SEC14L5: variants seen among roughly 807,000 people sequenced by gnomAD.
The protein encoded by SEC14L5 is SEC14 like lipid binding 5.
A neutral mutation model predicts 84.6 loss-of-function variants in SEC14L5; 96 were observed. The observed-to-expected ratio is 1.13, with a 90% CI of 0.96 to 1.34. The LOEUF is 1.34. Ranked by LOEUF, SEC14L5 falls within the 40% of genes most tolerant of loss-of-function variation. The probability of loss-of-function intolerance (pLI) is 0.00; values close to 1 mark genes in which losing one functional copy is unlikely to be tolerated. For missense variants in SEC14L5, 1,224 were observed against 942.5 expected, an observed-to-expected ratio of 1.30 and a Z score of -3.91; for synonymous variants, 546 against 383.4, an observed-to-expected ratio of 1.42 and a Z score of -4.95.
intron 10 of SEC14L5, among the ~76,000 whole-genome samples, chr16:5,001,550 C>A (rs1014010328): frequency 2.0e-5 from 3 of 152,110 alleles, no homozygotes; most frequent in African/African-American, 7.2e-5. Flanking sequence ...TGAGCCACCA[C>A]TCACAGCCTG....
Position 4,975,160 on chromosome 16 carries a change from T to A in SEC14L5, c.64-12397T>A, listed in dbSNP as rs186133734. 2.4e-3 allele frequency among the ~76,000 whole-genome samples: 361 copies of A among 152,248 alleles called. 1 individual carries two copies. The highest frequency in any genetic ancestry group is 8.1e-3 in the African/African-American group (337 of 41,562). On this transcript the variant is annotated intron_variant, in intron 2 of 15. Transcript: ENST00000251170. ...CATTCCTGAGTTACTTCATTTAGAA[T>A]AATGACCTCCAGCTCCATCCAAGTT...
At chr16:4,997,252 C>A (rs1477120982) in intron 8 of SEC14L5, among the ~76,000 whole-genome samples, 1 of 152,228 alleles carries the variant, frequency 6.6e-6, no homozygotes, top group East Asian at 1.9e-4. Flanking sequence ...GCACCCGCCA[C>A]CACAGCTGGC....
In SEC14L5 at chr16:4,959,316, G is replaced by A. The variant is rs1421062333; in HGVS notation, c.-8G>A. Reference sequence around the variant, plus strand: ...CCTGGTGACCTCCATTGGTGCTCCAGCGTGAACATGGTGCAAAGATACCAG... The same window carrying A: ...CCTGGTGACCTCCATTGGTGCTCCAACGTGAACATGGTGCAAAGATACCAG... On this transcript the variant is annotated 5_prime_UTR_variant, in exon 2 of 16. Transcript: ENST00000251170. 1 of 1,612,648 alleles carries A rather than the reference G, an allele frequency of 6.2e-7. No homozygotes were observed. The highest frequency in any genetic ancestry group is 8.5e-7 in the Non-Finnish European group (1 of 1,178,806).
intron 8 of SEC14L5, 70 bp downstream of exon 8, chr16:4,997,114 T>G: frequency 8.7e-7 from 1 of 1,143,636 alleles, no homozygotes; most frequent in East Asian, 2.8e-5. Flanking sequence ...TATTTATTAT[T>G]TTGAGATGGG....
chr16:4,997,520 G>T (rs1955625444), intron 8 of SEC14L5, among the ~76,000 whole-genome samples: 1 of 152,196 alleles, frequency 6.6e-6, no homozygotes, highest in Non-Finnish European at 1.5e-5. Context: ...GAGCTGGAAG[G>T]CTTTGGGGCT....
intron 2 of SEC14L5, among the ~76,000 whole-genome samples, chr16:4,976,728 G>A (rs1402294242): frequency 2.0e-5 from 3 of 152,196 alleles, no homozygotes; most frequent in Non-Finnish European, 4.4e-5. Context: ...CTGGGCTTTG[G>A]ACCATCTCCT....
chr16:4,961,286 G>GCAA (rs1056092235), intron 2 of SEC14L5, among the ~76,000 whole-genome samples: 14 of 145,626 alleles, frequency 9.6e-5, no homozygotes, highest in African/African-American at 2.0e-4. Flanking sequence ...AACAACAACA[G>GCAA]CAACAACAAC....
intron 2 of SEC14L5, among the ~76,000 whole-genome samples, chr16:4,974,742 C>T (rs1307877305): frequency 1.3e-5 from 2 of 151,878 alleles, no homozygotes; most frequent in African/African-American, 2.4e-5. Flanking sequence ...TCCCAAGTCC[C>T]CAAAATCCAT....
intron 5 of SEC14L5, among the ~76,000 whole-genome samples, chr16:4,991,261 C>G (rs1596630481): frequency 7.1e-6 from 1 of 141,536 alleles, no homozygotes; most frequent in Non-Finnish European, 1.5e-5. Context: ...TGTGATGAAA[C>G]AGATGAAATT....
At chr16:5,011,901 G>T (rs960635296) in intron 15 of SEC14L5, among the ~76,000 whole-genome samples, 2 of 152,184 alleles carry the variant, frequency 1.3e-5, no homozygotes, top group African/African-American at 4.8e-5. Context: ...GTCTGGAGGC[G>T]GAGCAGGCAG....
intron 14 of SEC14L5, 38 bp from the exon 15 acceptor site, chr16:5,011,056 GA>G (rs1315866210): frequency 6.4e-7 from 1 of 1,552,606 alleles, no homozygotes; most frequent in African/African-American, 1.4e-5. Context: ...CTGTCCTCTG[GA>G]GGGCGCAGGG....
Position 5,011,094 on chromosome 16 carries a change from G to T in SEC14L5, c.1801-1G>T. 2 of 1,595,652 alleles carry T rather than the reference G, an allele frequency of 1.3e-6. No homozygotes were observed. The highest frequency in any genetic ancestry group is 1.7e-6 in the Non-Finnish European group (2 of 1,171,504). ...CTCAGGGCAGGGCTGATGTGTTTCA[G>T]GGCTCCCATGTGACCCGGTGGCCCG... On this transcript the variant is annotated splice_acceptor_variant, in intron 14 of 15. Transcript: ENST00000251170. LOFTEE classifies it high-confidence loss of function.
chr16:4,975,125 T>C (rs1308798322), intron 2 of SEC14L5, among the ~76,000 whole-genome samples: 1 of 152,094 alleles, frequency 6.6e-6, no homozygotes, highest in African/African-American at 2.4e-5. Context: ...ACATATGATA[T>C]TTGGTTTTCC....
intron 10 of SEC14L5, among the ~76,000 whole-genome samples, chr16:5,001,516 C>G (rs1043681496): frequency 7.2e-5 from 11 of 152,248 alleles, no homozygotes; most frequent in Non-Finnish European, 1.3e-4. Context: ...GCCTCGGCCT[C>G]CCAAAGTGCT....
chr16:5,008,654 C>T lies in SEC14L5; in HGVS notation c.1800+6C>T, dbSNP rs1275988357. On this transcript the variant is annotated splice_donor_region_variant and intron_variant, in intron 14 of 15. Coordinates refer to ENST00000251170, the MANE Select transcript of SEC14L5 (RefSeq NM_014692.2). ...GGGAGGGGGAGAGCATCCAGGTTTG[C>T]ATTTTCTGGACCACTCATTCGCTCA... 6.2e-7 allele frequency: 1 copy of T among 1,605,664 alleles called. No individual in the cohort carries two copies. Among genetic ancestry groups the T allele is most frequent in the Non-Finnish European group, 8.5e-7 (1 of 1,176,584 alleles).
At position 4,991,831 on chromosome 16, in the gene SEC14L5, C is replaced by A; in HGVS notation, c.475-7C>A. 6.3e-7 allele frequency: 1 copy of A among 1,593,176 alleles called. No individual in the cohort carries two copies. On this transcript the variant is annotated splice_polypyrimidine_tract_variant and splice_region_variant and intron_variant, in intron 5 of 15. Coordinates refer to ENST00000251170, the MANE Select transcript of SEC14L5 (RefSeq NM_014692.2). The stretch of plus-strand genomic sequence containing the variant: ...GCTCATGTGTCTTGGGTCTCTCTGG[C>A]TTCCAGGGGAAGGAGGTGATTGAGC...
In SEC14L5 at chr16:5,006,063, T is replaced by C. The variant is rs1412247690; in HGVS notation, c.1437+15T>C. 1.2e-6 allele frequency: 2 copies of C among 1,612,418 alleles called. No homozygotes were observed. The highest frequency in any genetic ancestry group is 1.7e-6 in the Non-Finnish European group (2 of 1,179,192). On this transcript the variant is annotated intron_variant, in intron 12 of 15. Transcript: ENST00000251170. The stretch of plus-strand genomic sequence containing the variant: ...GAGAGAGTGTGGTGAGGCTTCCATG[T>C]CCACAGACAGACCTGGGCTTGAGGA...
intron 15 of SEC14L5, among the ~76,000 whole-genome samples, chr16:5,011,522 C>CT (rs1452960893): frequency 6.6e-6 from 1 of 152,222 alleles, no homozygotes; most frequent in East Asian, 1.9e-4. Flanking sequence ...AGAAGCTCAA[C>CT]TTTTTGGAGC....
chr16:4,967,396 G>C (rs183910652), intron 2 of SEC14L5, among the ~76,000 whole-genome samples: 85 of 152,066 alleles, frequency 5.6e-4, no homozygotes, highest in African/African-American at 2.0e-3. Context: ...GTAAAGACCT[G>C]TTCTCCAAAT....
Sources: gnomAD v4.1 joint callset for allele counts (sites outside exome capture counted in the v4.1 genomes callset) on GRCh38, gnomAD v4.1.1 for gene constraint, MANE v1.5 for transcripts, NCBI Gene and HGNC (gene_info 2026-07-23, HGNC 2026-07-21) for gene names.